CHRNB4: variants seen among roughly 807,000 people sequenced by gnomAD.
CHRNB4 encodes the protein cholinergic receptor nicotinic beta 4 subunit, also known as neuronal acetylcholine receptor subunit beta-4.
In CHRNB4, 23 loss-of-function variants were observed where a neutral mutation model predicts 40.4. That is an observed-to-expected ratio of 0.57 (90% CI 0.41 to 0.81). CHRNB4 has a LOEUF of 0.81. CHRNB4 is among the 30% of genes least tolerant of loss of function. CHRNB4 has a pLI of 0.00. For synonymous variants in CHRNB4, 285 were observed against 274.4 expected, an observed-to-expected ratio of 1.04 and a Z score of -0.38; for missense variants, 568 against 670.6, an observed-to-expected ratio of 0.85 and a Z score of 1.69.
At chr15:78,631,816 TCTA>T (rs2053818554) in intron 2 of CHRNB4, among the ~76,000 whole-genome samples, 1 of 152,080 alleles carries the variant, frequency 6.6e-6, no homozygotes, top group African/African-American at 2.4e-5. Flanking sequence ...CTCAATCCCT[TCTA>T]CTAATTGTTC....
intron 6 of CHRNB4, among the ~76,000 whole-genome samples, chr15:78,649,818 C>T (rs954663463): frequency 1.3e-4 from 19 of 150,818 alleles, no homozygotes; most frequent in Non-Finnish European, 1.2e-4. Flanking sequence ...GAAAAATAAT[C>T]ATGGGGGGAG....
chr15:78,638,518 G>T (rs560682901), intron 1 of CHRNB4, among the ~76,000 whole-genome samples: 2 of 152,312 alleles, frequency 1.3e-5, no homozygotes, highest in African/African-American at 4.8e-5. Context: ...TGCCTCATTA[G>T]CTTCCCTGTA....
At position 78,641,090 on chromosome 15, in the gene CHRNB4, A is replaced by G; in HGVS notation, c.44T>C (p.Leu15Pro). Reference sequence around the variant, plus strand: ...CGAAAAGAACTCACCGCGCCCGCAAAGGGCGACCAGGAAGAAAAGGACCAG... The same window carrying G: ...CGAAAAGAACTCACCGCGCCCGCAAGGGGCGACCAGGAAGAAAAGGACCAG... ...PSLVLFFLVA[L>P]CGRGNCRVAN... Residue 15 changes from leucine (L) to proline (P), a missense_variant, in exon 1 of 6, where the codon CTT becomes CCT. Leu to Pro is a moderately conservative substitution (Grantham distance 98). Around this residue, in one of 4 missense-constraint regions of CHRNB4, gnomAD observed 161 missense variants for 148.1 expected, o/e 1.09. Coordinates refer to ENST00000261751, the MANE Select transcript of CHRNB4 (RefSeq NM_000750.5). The G allele has an allele frequency of 6.3e-7, 1 of 1,581,716 alleles. No individual in the cohort carries two copies. The highest frequency in any genetic ancestry group is 8.6e-7 in the Non-Finnish European group (1 of 1,164,494).
intron 7 of CHRNB4, among the ~76,000 whole-genome samples, chr15:78,649,116 A>T (rs1183892806): frequency 2.0e-5 from 3 of 152,206 alleles, no homozygotes; most frequent in African/African-American, 7.2e-5. Flanking sequence ...AGCAAGTGCT[A>T]GTAAAGATGT....
At chr15:78,632,464 T>C (rs1051584068) in intron 2 of CHRNB4, among the ~76,000 whole-genome samples, 38 of 152,074 alleles carry the variant, frequency 2.5e-4, no homozygotes, top group African/African-American at 8.9e-4. Context: ...CAGGCCACCA[T>C]ACCTGGCTAA....
chr15:78,631,543 T>C (rs1407018180), intron 2 of CHRNB4, among the ~76,000 whole-genome samples: 1 of 152,240 alleles, frequency 6.6e-6, no homozygotes, highest in East Asian at 1.9e-4. Context: ...TTGGCTTCAT[T>C]GTCTCAGTGA....
At chr15:78,633,268 T>C (rs2053873295) in intron 2 of CHRNB4, among the ~76,000 whole-genome samples, 2 of 152,240 alleles carry the variant, frequency 1.3e-5, no homozygotes, top group South Asian at 4.1e-4. Context: ...TGGCTGCCAG[T>C]AACAGTGATC....
chr15:78,643,527 C>T (rs545664229), upstream of CHRNB4, among the ~76,000 whole-genome samples: 5 of 152,282 alleles, frequency 3.3e-5, no homozygotes, highest in East Asian at 7.7e-4. Context: ...TTCTTTTGAA[C>T]ATGGCACTGG....
chr15:78,655,422 ATATC>A (rs2054204795), intron 5 of CHRNB4: 1 of 141,702 alleles, frequency 7.1e-6, no homozygotes, highest in African/African-American at 2.6e-5. Flanking sequence ...ATATATCTAT[ATATC>A]TATATCTATA....
Position 78,629,763 on chromosome 15 carries a change from A to G in CHRNB4, c.542T>C (p.Ile181Thr), listed in dbSNP as rs2053756967. The G allele has an allele frequency of 6.2e-7, 1 of 1,614,050 alleles. No individual in the cohort carries two copies. The highest frequency in any genetic ancestry group is 8.5e-7 in the Non-Finnish European group (1 of 1,179,988). ...TGTGGGCGTCATGAGGACCATGTCT[A>G]TCTCCGTGTGGTCATAGGTCCAGGA... ...FRSWTYDHTE[I>T]DMVLMTPTAS... Residue 181 changes from isoleucine (I) to threonine (T), a missense_variant, in exon 5 of 6, where the codon ATA (isoleucine) becomes ACA (threonine). Physicochemically the swap from Ile to Thr is moderately conservative, Grantham distance 89. Coordinates refer to ENST00000261751, the MANE Select transcript of CHRNB4 (RefSeq NM_000750.5). The surrounding 1 kb of genome is among the most constrained non-coding windows in gnomAD (Gnocchi z 6.8).
intron 1 of CHRNB4, among the ~76,000 whole-genome samples, chr15:78,658,681 A>G (rs2054232107): frequency 6.6e-6 from 1 of 152,246 alleles, no homozygotes; most frequent in South Asian, 2.1e-4. Context: ...TGCTTCCTGC[A>G]TACCAGGATG....
chr15:78,643,167 C>CA (rs1338921110), upstream of CHRNB4, among the ~76,000 whole-genome samples: 3 of 152,186 alleles, frequency 2.0e-5, no homozygotes, highest in Non-Finnish European at 2.9e-5. Context: ...GCAATGTACA[C>CA]ACACACAAAC....
Position 78,625,250 on chromosome 15 carries a change from C to T in CHRNB4, c.1380G>A (p.Arg460=), listed in dbSNP as rs1183376733. ...DWKYVAMVVD[R]LFLWVFMFVC... is the part of the protein sequence containing the mutation. ...CAAACATGAACACCCACAGGAACAG[C>T]CGGTCCACCACCATAGCCACGTACT... Residue 460 remains arginine (R), a synonymous_variant, in exon 6 of 6, where the codon CGG becomes CGA. Transcript: ENST00000261751. 3 of 1,567,602 alleles carry T rather than the reference C, an allele frequency of 1.9e-6. No homozygotes were observed. The Admixed American group carries it at 5.7e-5, about 30-fold the overall frequency.
intron 7 of CHRNB4, among the ~76,000 whole-genome samples, chr15:78,646,621 G>A (rs2054125344): frequency 6.6e-6 from 1 of 152,170 alleles, no homozygotes; most frequent in South Asian, 2.1e-4. Context: ...CCATCTTTTT[G>A]TATCCTCACA....
chr15:78,645,624 T>C (rs927175887), upstream of CHRNB4, among the ~76,000 whole-genome samples: 5 of 152,118 alleles, frequency 3.3e-5, no homozygotes, highest in East Asian at 3.9e-4. Flanking sequence ...GTACCATCTA[T>C]TGACTTTCTT....
At chr15:78,659,543 GC>G (rs2054237027) in intron 1 of CHRNB4, among the ~76,000 whole-genome samples, 1 of 152,220 alleles carries the variant, frequency 6.6e-6, no homozygotes. Flanking sequence ...GGGTACCCTA[GC>G]TCTCTGAGGA....
At chr15:78,625,569 A>G (rs2053633165) in intron 5 of CHRNB4, among the ~76,000 whole-genome samples, 1 of 152,224 alleles carries the variant, frequency 6.6e-6, no homozygotes, top group Non-Finnish European at 1.5e-5. Flanking sequence ...AGGGCTTGTT[A>G]ATACTACATA....
At chr15:78,661,267 C>T (rs772238653), upstream of CHRNB4, 4 of 603,702 alleles carry the variant, frequency 6.6e-6, no homozygotes, top group Non-Finnish European at 1.3e-5. Context: ...CCCTGCCCCG[C>T]CCTGAGGATG....
intron 1 of CHRNB4, among the ~76,000 whole-genome samples, chr15:78,638,937 T>C (rs942866763): frequency 6.6e-6 from 1 of 152,296 alleles, no homozygotes; most frequent in Non-Finnish European, 1.5e-5. Flanking sequence ...CATGATTCAA[T>C]GATTCTGATG....
Sources: allele counts gnomAD v4.1 joint callset (sites outside exome capture counted in the v4.1 genomes callset), GRCh38; gene constraint gnomAD v4.1.1; regional missense constraint gnomAD v4.1.1; non-coding constraint Gnocchi (gnomAD v3.1); transcripts MANE v1.5; gene names NCBI Gene and HGNC (gene_info 2026-07-23, HGNC 2026-07-21).